Variants in GRID2 observed in about 807,000 individuals in gnomAD.
GRID2 encodes glutamate receptor ionotropic, delta-2.
GRID2 carries 33 observed loss-of-function variants against 114.8 expected under a neutral mutation model. That is an observed-to-expected ratio of 0.29 (90% CI 0.22 to 0.38). The LOEUF (loss-of-function observed/expected upper bound fraction) is 0.38, where lower values mean the gene tolerates loss of function less well. GRID2 is among the 10% of genes least tolerant of loss of function. The pLI is 1.00. For synonymous variants in GRID2, 505 were observed against 449.9 expected (o/e 1.12, Z -1.55); for missense variants, 1,184 against 1,257.7 (o/e 0.94, Z 0.89).
intron 2 of GRID2, among the ~76,000 whole-genome samples, chr4:93,063,221 C>A (rs1485188099): frequency 6.6e-6 from 1 of 151,748 alleles, no homozygotes; most frequent in East Asian, 1.9e-4. Context: ...TCATTTTAAC[C>A]TTAAATAAAA....
chr4:92,851,960 T>A (rs1164427667), intron 2 of GRID2, among the ~76,000 whole-genome samples: 2 of 151,918 alleles, frequency 1.3e-5, no homozygotes, highest in African/African-American at 4.8e-5. Flanking sequence ...TTCGTAAATA[T>A]TTAGAGTCCT....
intron 2 of GRID2, among the ~76,000 whole-genome samples, chr4:92,763,300 C>T (rs1330069460): frequency 2.0e-5 from 3 of 152,132 alleles, no homozygotes; most frequent in Non-Finnish European, 4.4e-5. Context: ...CCTGATGGAG[C>T]TTACAACTGA....
In GRID2 at chr4:93,471,698, A is replaced by ATTTTTTTTTTTTT. The variant is rs897411033; in HGVS notation, c.1858+15729_1858+15741dup. On this transcript the variant is annotated intron_variant, in intron 11 of 15. Transcript: ENST00000282020. ...ATTGTTATTTCTTCTCCTGAATTCA[A>ATTTTTTTTTTTTT]TTTTTTTTTTTTTTTTTGGAGACGG... is the stretch of plus-strand genomic sequence containing the variant. Among the ~76,000 whole-genome samples the ATTTTTTTTTTTTT allele has an allele frequency of 4.4e-4, 27 of 60,986 alleles. 3 individuals carry two copies. Among genetic ancestry groups the ATTTTTTTTTTTTT allele is most frequent in the African/African-American group, 1.4e-3 (15 of 11,080 alleles). The allele number at this position is 60,986 out of a possible 152,430, so 40.0% of individuals were successfully genotyped here. A position where few individuals can be genotyped will look rare whatever the true frequency, so the allele number is the denominator to read the frequency against.
At chr4:92,440,532 A>AG (rs1732993118) in intron 1 of GRID2, among the ~76,000 whole-genome samples, 1 of 151,524 alleles carries the variant, frequency 6.6e-6, no homozygotes. Context: ...TAGGGAAGGG[A>AG]GGGGGCCTGA....
chr4:93,542,595 C>T (rs1046669536), intron 13 of GRID2, among the ~76,000 whole-genome samples: 9 of 152,120 alleles, frequency 5.9e-5, no homozygotes, highest in Non-Finnish European at 7.4e-5. Context: ...CAATAAGATA[C>T]GGGAAGCCAT....
chr4:92,781,966 A>G (rs1739100163), intron 2 of GRID2, among the ~76,000 whole-genome samples: 1 of 152,058 alleles, frequency 6.6e-6, no homozygotes, highest in Non-Finnish European at 1.5e-5. Flanking sequence ...TTTTATGAAT[A>G]GGGACTTTAT....
chr4:93,599,059 A>G (rs191917680), intron 13 of GRID2, among the ~76,000 whole-genome samples: 163 of 152,334 alleles, frequency 1.1e-3, no homozygotes, highest in African/African-American at 3.9e-3. Context: ...CATTGCCACA[A>G]AATTTTACTT....
chr4:92,746,738 G>A (rs1299268574), intron 2 of GRID2, among the ~76,000 whole-genome samples: 3 of 151,984 alleles, frequency 2.0e-5, no homozygotes, highest in Non-Finnish European at 4.4e-5. Flanking sequence ...CTAACTTGCT[G>A]TGTCACTTTG....
At chr4:93,348,666 C>A (rs1399932860) in intron 8 of GRID2, among the ~76,000 whole-genome samples, 2 of 152,132 alleles carry the variant, frequency 1.3e-5, no homozygotes, top group Admixed American at 1.3e-4. Flanking sequence ...CATTGGCACT[C>A]ATAGACTGCT....
chr4:93,794,463 A>G (rs1734755932), intron 1 of GRID2, among the ~76,000 whole-genome samples: 1 of 152,224 alleles, frequency 6.6e-6, no homozygotes, highest in Non-Finnish European at 1.5e-5. Flanking sequence ...ACTTAGGGAA[A>G]GGAGCCGTGG....
At chr4:92,875,058 A>T (rs1230033264) in intron 2 of GRID2, among the ~76,000 whole-genome samples, 1 of 149,072 alleles carries the variant, frequency 6.7e-6, no homozygotes, top group East Asian at 2.0e-4. Context: ...AGATGTAAAT[A>T]TTGTTTAAAT....
intron 2 of GRID2, among the ~76,000 whole-genome samples, chr4:92,696,130 C>T (rs62310193): frequency 0.027 from 4,069 of 151,948 alleles, 86 homozygotes; most frequent in Non-Finnish European, 0.04. Flanking sequence ...GATTTCTTTC[C>T]GTCTTTTAAA....
At chr4:92,552,531 G>A (rs1029963165) in intron 1 of GRID2, among the ~76,000 whole-genome samples, 13 of 152,114 alleles carry the variant, frequency 8.5e-5, no homozygotes, top group Admixed American at 2.0e-4. Context: ...TGATGAATTA[G>A]TAAAATCCAT....
At chr4:92,672,041 T>G (rs995315277) in intron 2 of GRID2, among the ~76,000 whole-genome samples, 1 of 152,150 alleles carries the variant, frequency 6.6e-6, no homozygotes, top group African/African-American at 2.4e-5. Flanking sequence ...GTGAGATTTT[T>G]ATTATTTAAA....
At chr4:92,858,411 C>G (rs965742997) in intron 2 of GRID2, among the ~76,000 whole-genome samples, 2 of 152,142 alleles carry the variant, frequency 1.3e-5, no homozygotes, top group Non-Finnish European at 2.9e-5. Flanking sequence ...AACCATCATA[C>G]ATGACTTTTA....
chr4:93,352,024 T>C (rs189158684), intron 8 of GRID2, among the ~76,000 whole-genome samples: 23 of 152,142 alleles, frequency 1.5e-4, no homozygotes, highest in Admixed American at 1.5e-3. Context: ...ATAGATACTC[T>C]TATCATCATT....
At chr4:93,003,899 T>G (rs1721250558) in intron 2 of GRID2, among the ~76,000 whole-genome samples, 1 of 151,910 alleles carries the variant, frequency 6.6e-6, no homozygotes, top group South Asian at 2.1e-4. Context: ...AATTTGAAAG[T>G]TTCTGAAAAC....
intron 12 of GRID2, 80 bp from the exon 13 acceptor site, chr4:93,515,136 T>A: frequency 3.6e-6 from 2 of 560,928 alleles, no homozygotes; most frequent in Non-Finnish European, 3.0e-6. Flanking sequence ...TATTGCCTTT[T>A]TTTTTCTTTT....
intron 13 of GRID2, among the ~76,000 whole-genome samples, chr4:93,517,689 A>G (rs1394595025): frequency 6.6e-6 from 1 of 151,950 alleles, no homozygotes; most frequent in Non-Finnish European, 1.5e-5. Context: ...TTGGAGTTTC[A>G]TGAAATTGAG....
Sources: gnomAD v4.1 joint callset for allele counts (sites outside exome capture counted in the v4.1 genomes callset) on GRCh38, gnomAD v4.1.1 for gene constraint, MANE v1.5 for transcripts, NCBI Gene and HGNC (gene_info 2026-07-23, HGNC 2026-07-21) for gene names.